The following TTC39B variants were observed in gnomAD, a reference collection of about 807,000 sequenced individuals.
The protein encoded by TTC39B is tetratricopeptide repeat domain 39B.
In TTC39B, 92 loss-of-function variants were observed where a neutral mutation model predicts 96.6. That is an observed-to-expected ratio of 0.95 (90% CI 0.80 to 1.13). The LOEUF (loss-of-function observed/expected upper bound fraction) is 1.13. Among genes scored for constraint, TTC39B ranks in the 50% most tolerant of loss-of-function variants. The probability of loss-of-function intolerance (pLI) is 0.00; values close to 1 mark genes in which losing one functional copy is unlikely to be tolerated. For synonymous variants in TTC39B, 367 were observed against 299.4 expected (o/e 1.23, Z -2.33); for missense variants, 955 against 809.3 (o/e 1.18, Z -2.18).
At chr9:15,299,409 C>G (rs970182012) in intron 1 of TTC39B, among the ~76,000 whole-genome samples, 2 of 152,148 alleles carry the variant, frequency 1.3e-5, no homozygotes, top group Non-Finnish European at 2.9e-5. Flanking sequence ...CAGGCACTCC[C>G]CACTTCAGAA....
rs574639980 is a variant in TTC39B, at chr9:15,306,922, G to A, written c.240+162C>T. The stretch of plus-strand genomic sequence containing the variant: ...GACCCTCCTAGCTCCAGCGGGGACA[G>A]ACCTACCAAGGCCGGGCGCCCCCAC... On this transcript the variant is annotated intron_variant, in intron 1 of 19. Coordinates refer to ENST00000512701, the Ensembl canonical transcript of TTC39B. This position sits in a 1 kb window ranked among gnomAD's most constrained non-coding sequence, Gnocchi z 5.1. 5.9e-5 allele frequency among the ~76,000 whole-genome samples: 9 copies of A among 152,112 alleles called. No individual in the cohort carries two copies. Among genetic ancestry groups the A allele is most frequent in the Non-Finnish European group, 1.0e-4 (7 of 67,956 alleles).
intron 1 of TTC39B, among the ~76,000 whole-genome samples, chr9:15,275,033 G>A (rs916225206): frequency 1.3e-5 from 2 of 150,754 alleles, no homozygotes; most frequent in Non-Finnish European, 2.9e-5. Flanking sequence ...ATAATCCCAC[G>A]TAAATTCTGT....
intron 7 of TTC39B, among the ~76,000 whole-genome samples, chr9:15,203,484 C>T (rs1272317959): frequency 6.6e-6 from 1 of 151,242 alleles, no homozygotes; most frequent in African/African-American, 2.4e-5. Flanking sequence ...TTGTCTCGAA[C>T]TCTGGACCTC....
exon 20 of TTC39B, chr9:15,170,568 T>C (rs1314417896): frequency 6.6e-6 from 1 of 152,184 alleles, no homozygotes; most frequent in African/African-American, 2.4e-5. Flanking sequence ...CCGCTATCCA[T>C]AGTGGGGCAA....
rs1248206359 is a variant in TTC39B, at chr9:15,214,487, A to C, written c.372-238T>G. On this transcript the variant is annotated intron_variant, in intron 3 of 19. Coordinates refer to ENST00000512701, the Ensembl canonical transcript of TTC39B. ...AGAGGAGACCTCTACAGGTAATTAGATTCTGATTCTCAGGGAAATTACAAC... is the reference window on the plus strand; with the variant it reads ...AGAGGAGACCTCTACAGGTAATTAGCTTCTGATTCTCAGGGAAATTACAAC... 2.0e-5 allele frequency among the ~76,000 whole-genome samples: 3 copies of C among 152,162 alleles called. No individual in the cohort carries two copies. In the East Asian group the frequency reaches 5.8e-4, roughly 29 times the overall value.
intron 8 of TTC39B, among the ~76,000 whole-genome samples, chr9:15,193,725 C>T (rs1001464725): frequency 6.6e-6 from 1 of 152,110 alleles, no homozygotes; most frequent in African/African-American, 2.4e-5. Flanking sequence ...AGTTAAAAGG[C>T]CTTTGAAACT....
rs578162769 is a variant in TTC39B at position 15,302,949 on chromosome 9, C to G, written c.240+4135G>C. ...CTTTGGGAGGCTGAGGCGGCCGGAT[C>G]ACGAGGTCAAGAGATCGAGACCATC... is the stretch of plus-strand genomic sequence containing the variant. On this transcript the variant is annotated intron_variant, in intron 1 of 19. Transcript: ENST00000512701. 2.0e-5 allele frequency among the ~76,000 whole-genome samples: 3 copies of G among 152,284 alleles called. No individual in the cohort carries two copies. The East Asian group carries it at 5.8e-4, about 29-fold the overall frequency.
intron 1 of TTC39B, among the ~76,000 whole-genome samples, chr9:15,282,281 A>T (rs1019170925): frequency 5.3e-5 from 8 of 152,348 alleles, no homozygotes; most frequent in African/African-American, 1.9e-4. Context: ...TGAATTAAAA[A>T]TTCTAAACAT....
At chr9:15,264,093 G>T (rs550668890) in intron 2 of TTC39B, among the ~76,000 whole-genome samples, 8 of 152,274 alleles carry the variant, frequency 5.3e-5, no homozygotes, top group Admixed American at 2.6e-4. Context: ...ATTAGAAACT[G>T]AGGCAGTGTT....
intron 2 of TTC39B, among the ~76,000 whole-genome samples, chr9:15,248,736 T>C (rs1357407771): frequency 6.6e-6 from 1 of 152,214 alleles, no homozygotes; most frequent in Non-Finnish European, 1.5e-5. Context: ...CATTTAGGTA[T>C]GACAAAATGT....
intron 1 of TTC39B, among the ~76,000 whole-genome samples, chr9:15,274,564 C>A (rs1022386454): frequency 3.3e-5 from 5 of 152,168 alleles, no homozygotes; most frequent in Non-Finnish European, 7.3e-5. Flanking sequence ...GAAACCTTAA[C>A]TGACCTACAG....
chr9:15,290,662 G>A lies in TTC39B; in HGVS notation c.240+16422C>T, dbSNP rs146489579. Among the ~76,000 whole-genome samples, 15 of 152,340 alleles carry A rather than the reference G, an allele frequency of 9.8e-5. No individual in the cohort carries two copies. In the East Asian group the frequency reaches 2.9e-3, roughly 29 times the overall value. On this transcript the variant is annotated intron_variant, in intron 1 of 19. Transcript: ENST00000512701. ...TAAAATGCAGAATGCATAACTGACT[G>A]TTCCTCTACTCCCTCCTTTCACATG... is the stretch of plus-strand genomic sequence containing the variant.
chr9:15,199,734 CAAAAAAAAA>C (rs35361396), intron 8 of TTC39B, 118 bp downstream of exon 8: 165 of 70,660 alleles, frequency 2.3e-3, no homozygotes, highest in African/African-American at 0.013. Context: ...GACTCCGTCT[CAAAAAAAAA>C]AAAAAAAAAA....
intron 3 of TTC39B, among the ~76,000 whole-genome samples, chr9:15,221,611 G>A (rs1820845741): frequency 6.6e-6 from 1 of 152,042 alleles, no homozygotes; most frequent in Non-Finnish European, 1.5e-5. Context: ...TGGGTGCCAG[G>A]GGTCTCTGCG....
Position 15,302,013 on chromosome 9 carries a change from CAA to C in TTC39B, c.240+5069_240+5070del, listed in dbSNP as rs551132113. Among the ~76,000 whole-genome samples, 660 of 152,200 alleles carry C rather than the reference CAA, an allele frequency of 4.3e-3. 5 individuals are homozygous for C. The highest frequency in any genetic ancestry group is 7.5e-3 in the Non-Finnish European group (511 of 67,996). Reference sequence around the variant, plus strand: ...ATTCAATAACAGGATCAGAATGACTCAATAAATATTTTAAAAGTTAAGTGTAA... The same window carrying C: ...ATTCAATAACAGGATCAGAATGACTCTAAATATTTTAAAAGTTAAGTGTAA... On this transcript the variant is annotated intron_variant, in intron 1 of 19. Coordinates refer to ENST00000512701, the Ensembl canonical transcript of TTC39B.
intron 8 of TTC39B, among the ~76,000 whole-genome samples, chr9:15,199,462 G>A (rs146273958): frequency 5.3e-4 from 80 of 152,040 alleles, no homozygotes; most frequent in African/African-American, 1.9e-3. Flanking sequence ...CAGGCCAGGC[G>A]CGGTGGCTCA....
chr9:15,292,609 A>G (rs1824229639), intron 1 of TTC39B, among the ~76,000 whole-genome samples: 1 of 152,216 alleles, frequency 6.6e-6, no homozygotes, highest in African/African-American at 2.4e-5. Flanking sequence ...TTGTTGTCAT[A>G]GGAGATGACA....
chr9:15,194,624 C>G (rs1055821660), intron 8 of TTC39B, among the ~76,000 whole-genome samples: 2 of 152,176 alleles, frequency 1.3e-5, no homozygotes, highest in Non-Finnish European at 2.9e-5. Flanking sequence ...GCAAGTCTAT[C>G]GATGCCATTT....
chr9:15,281,106 A>T (rs572700422), intron 1 of TTC39B, among the ~76,000 whole-genome samples: 1 of 152,044 alleles, frequency 6.6e-6, no homozygotes, highest in Non-Finnish European at 1.5e-5. Context: ...CCTTTTATGC[A>T]ATAGTTATTT....
Sources: gnomAD v4.1 joint callset for allele counts (sites outside exome capture counted in the v4.1 genomes callset) on GRCh38, gnomAD v4.1.1 for gene constraint, Gnocchi (gnomAD v3.1) non-coding constraint, MANE v1.5 for transcripts, NCBI Gene and HGNC (gene_info 2026-07-23, HGNC 2026-07-21) for gene names.